DCHS2: variants seen among roughly 807,000 people sequenced by gnomAD.
The protein encoded by DCHS2 is protocadherin-23.
DCHS2 carries 142 observed loss-of-function variants against 182.4 expected under a neutral mutation model. The ratio of observed to expected loss-of-function variants is 0.78; its 90% CI spans 0.68 to 0.89. The LOEUF is 0.89. Among genes scored for constraint, DCHS2 ranks in the 40% least tolerant of loss-of-function variants. DCHS2 has a pLI of 0.00. For synonymous variants in DCHS2, 1,740 were observed against 1,663.3 expected, an observed-to-expected ratio of 1.05 and a Z score of -1.12; for missense variants, 4,319 against 4,198.6, an observed-to-expected ratio of 1.03 and a Z score of -0.79.
chr4:154,486,246 G>A (rs1728579616), intron 1 of DCHS2, among the ~76,000 whole-genome samples: 1 of 152,176 alleles, frequency 6.6e-6, no homozygotes, highest in Non-Finnish European at 1.5e-5. Context: ...TCTTTGGAAA[G>A]GTCTCGTCAG....
chr4:154,278,043 AC>A (rs374599986), intron 13 of DCHS2, among the ~76,000 whole-genome samples: 22,986 of 80,382 alleles, frequency 0.29, 1,805 homozygotes, highest in Middle Eastern at 0.42. Flanking sequence ...TCCATCACAC[AC>A]ACAAAAAAAA....
At chr4:154,295,348 T>C (rs866122617) in intron 13 of DCHS2, among the ~76,000 whole-genome samples, 16 of 152,244 alleles carry the variant, frequency 1.1e-4, no homozygotes, top group African/African-American at 3.9e-4. Context: ...CCAATGAATT[T>C]ATAATAAAAC....
chr4:154,310,491 C>T (rs1735628232), intron 10 of DCHS2, among the ~76,000 whole-genome samples: 1 of 152,146 alleles, frequency 6.6e-6, no homozygotes, highest in African/African-American at 2.4e-5. Context: ...TTAGAGTGAA[C>T]TTATCATGTA....
chr4:154,433,370 A>C (rs1434643758), intron 1 of DCHS2, among the ~76,000 whole-genome samples: 1 of 149,976 alleles, frequency 6.7e-6, no homozygotes, highest in South Asian at 2.1e-4. Flanking sequence ...CTGTGAGAAA[A>C]CAAATAACTA....
intron 1 of DCHS2, among the ~76,000 whole-genome samples, chr4:154,379,011 C>A (rs1357877447): frequency 1.3e-5 from 2 of 152,112 alleles, no homozygotes; most frequent in African/African-American, 4.8e-5. Context: ...CTTAGCTGAA[C>A]CTTCTATTCC....
chr4:154,310,760 G>T (rs1392064531), intron 10 of DCHS2, among the ~76,000 whole-genome samples: 5 of 152,152 alleles, frequency 3.3e-5, no homozygotes, highest in Non-Finnish European at 4.4e-5. Context: ...CTCTCCCACT[G>T]TTGACATCAT....
chr4:154,335,515 G>T (rs993369426), intron 3 of DCHS2, among the ~76,000 whole-genome samples: 1 of 152,120 alleles, frequency 6.6e-6, no homozygotes, highest in Admixed American at 6.5e-5. Context: ...CAAACTATAC[G>T]ACTGGCTCTC....
In DCHS2 at chr4:154,484,832, T is replaced by A. The variant is rs142698157; in HGVS notation, c.2052+4472A>T. On this transcript the variant is annotated intron_variant, in intron 1 of 19. Coordinates refer to ENST00000357232, the MANE Select transcript of DCHS2 (RefSeq NM_001358235.2). ...GATTTCAATCCTCAGAGAAGGGAAATCTTACTGATCACAACTTTCTGAAGT... is the reference window on the plus strand; with the variant it reads ...GATTTCAATCCTCAGAGAAGGGAAAACTTACTGATCACAACTTTCTGAAGT... 2.9e-3 allele frequency among the ~76,000 whole-genome samples: 441 copies of A among 152,314 alleles called. 1 individual carries two copies. Among genetic ancestry groups the A allele is most frequent in the South Asian group, 7.9e-3 (38 of 4,828 alleles).
intron 15 of DCHS2, among the ~76,000 whole-genome samples, chr4:154,256,613 T>C (rs1353324106): frequency 2.6e-5 from 4 of 152,336 alleles, no homozygotes; most frequent in Non-Finnish European, 5.9e-5. Context: ...AAACCAATTA[T>C]GTTAGTGGAT....
At chr4:154,297,673 C>T (rs1429741847) in intron 13 of DCHS2, among the ~76,000 whole-genome samples, 178 bp downstream of exon 13, 1 of 152,194 alleles carries the variant, frequency 6.6e-6, no homozygotes, top group Non-Finnish European at 1.5e-5. Flanking sequence ...GTCTTCTGCC[C>T]TGTCATTTCA....
intron 13 of DCHS2, among the ~76,000 whole-genome samples, chr4:154,280,257 C>T (rs1734068533): frequency 1.3e-5 from 2 of 152,120 alleles, no homozygotes; most frequent in African/African-American, 2.4e-5. Flanking sequence ...AAAGAAAACT[C>T]CAGGACCAGA....
At chr4:154,472,679 T>C (rs527850852) in intron 1 of DCHS2, among the ~76,000 whole-genome samples, 2 of 152,240 alleles carry the variant, frequency 1.3e-5, no homozygotes, top group African/African-American at 4.8e-5. Flanking sequence ...GACGGAAGCA[T>C]AAAGACTTTG....
chr4:154,369,268 C>T (rs1730531196), intron 2 of DCHS2, among the ~76,000 whole-genome samples: 1 of 152,082 alleles, frequency 6.6e-6, no homozygotes, highest in Admixed American at 6.6e-5. Flanking sequence ...CTGAATTCAC[C>T]AAGTTAAGTG....
chr4:154,300,697 C>T (rs972997125), intron 12 of DCHS2, among the ~76,000 whole-genome samples: 2 of 150,802 alleles, frequency 1.3e-5, no homozygotes, highest in Admixed American at 6.6e-5. Context: ...GGTGACAGAT[C>T]GAGAGCCTGT....
rs1025239916 is a variant in DCHS2 at position 154,489,381 on chromosome 4, T to C, written c.1975A>G (p.Asn659Asp). Reference sequence around the variant, plus strand: ...ACCTGCCTCCAGAAGATGGGCTCATTGTCATTCACATCATCTACGGTGATG... The same window carrying C: ...ACCTGCCTCCAGAAGATGGGCTCATCGTCATTCACATCATCTACGGTGATG... ...VSITVDDVNDNEPIFWRQVYN... is the reference protein window; with the variant it reads ...VSITVDDVNDDEPIFWRQVYN... The change falls in exon 1 of 20, where the codon AAT becomes GAT. Residue 659 changes from asparagine to aspartate, a missense_variant. Physicochemically the swap from Asn to Asp is conservative, Grantham distance 23. Coordinates refer to ENST00000357232, the MANE Select transcript of DCHS2 (RefSeq NM_001358235.2). 3.2e-6 allele frequency: 5 copies of C among 1,551,202 alleles called. No homozygotes were observed. The African/African-American group carries it at 6.8e-5, about 21-fold the overall frequency.
intron 3 of DCHS2, among the ~76,000 whole-genome samples, chr4:154,351,770 C>T (rs1005144237): frequency 3.9e-5 from 6 of 152,016 alleles, no homozygotes; most frequent in African/African-American, 1.5e-4. Flanking sequence ...GGTTAGTGCT[C>T]CTATAAGAAT....
intron 14 of DCHS2, chr4:154,269,183 A>G (rs1185302621): frequency 6.6e-6 from 1 of 152,222 alleles, no homozygotes; most frequent in Non-Finnish European, 1.5e-5. Flanking sequence ...ACCACCCTGG[A>G]TGAAAGGACA....
At chr4:154,473,511 G>GT (rs1352688847) in intron 1 of DCHS2, among the ~76,000 whole-genome samples, 1 of 22,136 alleles carries the variant, frequency 4.5e-5, no homozygotes, top group African/African-American at 5.0e-5. Flanking sequence ...ATATGGAAAT[G>GT]TTTTTTGGTG....
chr4:154,307,018 G>A (rs1253535395), intron 10 of DCHS2, among the ~76,000 whole-genome samples: 1 of 151,972 alleles, frequency 6.6e-6, no homozygotes, highest in Admixed American at 6.6e-5. Context: ...AACCCTCCTA[G>A]TATATTATTA....
Sources: gnomAD v4.1 joint callset for allele counts (sites outside exome capture counted in the v4.1 genomes callset) on GRCh38, gnomAD v4.1.1 for gene constraint, MANE v1.5 for transcripts, NCBI Gene and HGNC (gene_info 2026-07-23, HGNC 2026-07-21) for gene names.